Variants in PCDHGA4 observed in about 807,000 individuals in gnomAD.
PCDHGA4 encodes the protein protocadherin gamma-A4.
In PCDHGA4, 38 loss-of-function variants were observed where a neutral mutation model predicts 54.6. The ratio of observed to expected loss-of-function variants is 0.70; its 90% CI spans 0.54 to 0.91. The LOEUF (loss-of-function observed/expected upper bound fraction) is 0.91. Among genes scored for constraint, PCDHGA4 ranks in the 40% least tolerant of loss-of-function variants. The probability of loss-of-function intolerance (pLI) is 0.00; values close to 1 mark genes in which losing one functional copy is unlikely to be tolerated. For missense variants in PCDHGA4, 1,298 were observed against 1,220.9 expected (o/e 1.06, Z -0.94); for synonymous variants, 511 against 512.9 (o/e 1.00, Z 0.05).
At chr5:141,408,329 A>C (rs2095085203) in intron 1 of PCDHGA4, 1 of 1,613,580 alleles carries the variant, frequency 6.2e-7, no homozygotes, top group Non-Finnish European at 8.5e-7. Context: ...GGAGCTGGCC[A>C]AGGGCTCGGT....
chr5:141,399,506 A>G, intron 1 of PCDHGA4: 1 of 1,613,982 alleles, frequency 6.2e-7, no homozygotes, highest in Non-Finnish European at 8.5e-7. Flanking sequence ...GTACCCGAAA[A>G]CAACCCTCCT....
chr5:141,380,086 G>T (rs1776198648), intron 1 of PCDHGA4, among the ~76,000 whole-genome samples: 1 of 151,828 alleles, frequency 6.6e-6, no homozygotes. Flanking sequence ...TTTTAGTAGA[G>T]ATGGGGTTTT....
chr5:141,439,756 G>A (rs74623862), intron 1 of PCDHGA4: 30 of 152,422 alleles, frequency 2.0e-4, no homozygotes, highest in African/African-American at 7.0e-4. Context: ...CAGGCAATGA[G>A]TTCAGCTCCT....
chr5:141,454,691 C>T (rs745856768), intron 1 of PCDHGA4, among the ~76,000 whole-genome samples: 5 of 152,038 alleles, frequency 3.3e-5, no homozygotes, highest in Non-Finnish European at 5.9e-5. Flanking sequence ...CAGGCATGAG[C>T]CACCATGCTC....
chr5:141,504,680 A>G (rs912248504), intron 2 of PCDHGA4, among the ~76,000 whole-genome samples: 1 of 150,294 alleles, frequency 6.7e-6, no homozygotes, highest in Non-Finnish European at 1.5e-5. Flanking sequence ...GGGTTCTTGT[A>G]AAATAGGAGG....
intron 1 of PCDHGA4, among the ~76,000 whole-genome samples, chr5:141,481,095 C>T (rs1456056389): frequency 1.3e-5 from 2 of 152,120 alleles, no homozygotes; most frequent in African/African-American, 2.4e-5. Context: ...AAAAGCAGTA[C>T]TCTGGAACCT....
At chr5:141,366,546 ACT>A (rs1213982480) in intron 1 of PCDHGA4, 6 of 1,614,216 alleles carry the variant, frequency 3.7e-6, no homozygotes, top group Non-Finnish European at 5.1e-6. Context: ...CCCGCCTCGC[ACT>A]TTGTGGGCGT....
intron 2 of PCDHGA4, among the ~76,000 whole-genome samples, chr5:141,502,186 CA>C (rs1470455379): frequency 1.3e-5 from 2 of 152,148 alleles, no homozygotes; most frequent in Non-Finnish European, 2.9e-5. Context: ...AACATTAATA[CA>C]ATAATATAGA....
rs2099394683 is a variant in PCDHGA4, at chr5:141,476,602, C to G, written c.2515-18205C>G. 2.5e-6 allele frequency: 4 copies of G among 1,614,208 alleles called. No individual in the cohort carries two copies. The highest frequency in any genetic ancestry group is 2.2e-5 in the East Asian group (1 of 44,862). Reference sequence around the variant, plus strand: ...TTCCGCTCGAGAGCGCGCACGATCCCGATGTGGGAAGCAACTCTTTACAAA... The same window carrying G: ...TTCCGCTCGAGAGCGCGCACGATCCGGATGTGGGAAGCAACTCTTTACAAA... On this transcript the variant is annotated intron_variant, in intron 1 of 3. Transcript: ENST00000571252. This position sits in a 1 kb window ranked among gnomAD's most constrained non-coding sequence, Gnocchi z 7.6.
chr5:141,415,095 C>G, intron 1 of PCDHGA4: 2 of 1,613,584 alleles, frequency 1.2e-6, no homozygotes, highest in Non-Finnish European at 1.7e-6. Context: ...TGGACAGAGA[C>G]GCGCTCAAGC....
At chr5:141,496,869 A>G (rs2099772006) in intron 2 of PCDHGA4, among the ~76,000 whole-genome samples, 1 of 150,116 alleles carries the variant, frequency 6.7e-6, no homozygotes, top group African/African-American at 2.5e-5. Context: ...GAGACTGAAA[A>G]TTTGCAACAA....
intron 1 of PCDHGA4, chr5:141,421,202 C>G (rs1345590720): frequency 6.6e-7 from 1 of 1,519,226 alleles, no homozygotes; most frequent in Non-Finnish European, 8.8e-7. Flanking sequence ...CTCGAGAAAC[C>G]GCGGAATATC....
intron 1 of PCDHGA4, chr5:141,404,311 T>G (rs746092761): frequency 1.9e-6 from 3 of 1,613,924 alleles, no homozygotes. Flanking sequence ...CTGCTTTCTC[T>G]CAAGCCTCCT....
At chr5:141,453,029 A>G (rs1014709934) in intron 1 of PCDHGA4, among the ~76,000 whole-genome samples, 1 of 152,206 alleles carries the variant, frequency 6.6e-6, no homozygotes, top group Non-Finnish European at 1.5e-5. Context: ...TCATTAAAAT[A>G]AAGTTTGTTT....
intron 1 of PCDHGA4, chr5:141,360,756 A>T: frequency 6.2e-7 from 1 of 1,614,010 alleles, no homozygotes; most frequent in Non-Finnish European, 8.5e-7. Context: ...AGCACAGTTT[A>T]CATCAATTGG....
At chr5:141,381,271 T>G (rs1366742753) in intron 1 of PCDHGA4, among the ~76,000 whole-genome samples, 1 of 152,252 alleles carries the variant, frequency 6.6e-6, no homozygotes, top group Non-Finnish European at 1.5e-5. Context: ...CCAAGACTGT[T>G]TCTTGCCAGG....
chr5:141,485,641 G>T lies in PCDHGA4; in HGVS notation c.2515-9166G>T. The T allele has an allele frequency of 6.2e-7, 1 of 1,612,012 alleles. No individual in the cohort carries two copies. Among genetic ancestry groups the T allele is most frequent in the Non-Finnish European group, 8.5e-7 (1 of 1,178,470 alleles). On this transcript the variant is annotated intron_variant, in intron 1 of 3. Transcript: ENST00000571252. The surrounding 1 kb of genome is among the most constrained non-coding windows in gnomAD (Gnocchi z 5.7). Reference sequence around the variant, plus strand: ...CAGGACAGCGTTTCCCGTTGGAAAAGGCTCAGGATGCAGATGTGGGGAGCA... The same window carrying T: ...CAGGACAGCGTTTCCCGTTGGAAAATGCTCAGGATGCAGATGTGGGGAGCA...
intron 2 of PCDHGA4, 117 bp downstream of exon 2, chr5:141,494,982 G>T: frequency 1.3e-6 from 2 of 1,563,940 alleles, no homozygotes; most frequent in Non-Finnish European, 1.7e-6. Flanking sequence ...CTCAGTTTGA[G>T]ATCCCAGGGA....
intron 1 of PCDHGA4, among the ~76,000 whole-genome samples, chr5:141,466,554 G>A (rs2099125028): frequency 6.6e-6 from 1 of 152,068 alleles, no homozygotes. Flanking sequence ...TTTGCTGTGG[G>A]CTTCATCTTC....
Sources: gnomAD v4.1 joint callset for allele counts (sites outside exome capture counted in the v4.1 genomes callset) on GRCh38, gnomAD v4.1.1 for gene constraint, Gnocchi (gnomAD v3.1) non-coding constraint, MANE v1.5 for transcripts, NCBI Gene and HGNC (gene_info 2026-07-23, HGNC 2026-07-21) for gene names.